The following TECPR1 variants were observed in gnomAD, a reference collection of about 807,000 sequenced individuals.
TECPR1 encodes tectonin beta-propeller repeat-containing protein 1.
Under a neutral mutation model 162.4 loss-of-function variants are expected in TECPR1, and 122 were observed. The observed-to-expected ratio is 0.75, with a 90% confidence interval of 0.65 to 0.87. The LOEUF (loss-of-function observed/expected upper bound fraction) is 0.87, where lower values mean the gene tolerates loss of function less well. TECPR1 is among the 40% of genes least tolerant of loss of function. The pLI is 0.00. For synonymous variants in TECPR1, 642 were observed against 670.6 expected, an observed-to-expected ratio of 0.96 and a Z score of 0.66; for missense variants, 1,432 against 1,618.2, an observed-to-expected ratio of 0.88 and a Z score of 1.97.
chr7:98,240,391 A>G (rs1323671983), intron 8 of TECPR1, among the ~76,000 whole-genome samples: 2 of 152,096 alleles, frequency 1.3e-5, no homozygotes, highest in Admixed American at 6.6e-5. Flanking sequence ...CAAACAATGC[A>G]TGGTGCTCAG....
chr7:98,227,435 T>C (rs1179876922), intron 17 of TECPR1, among the ~76,000 whole-genome samples: 1 of 151,102 alleles, frequency 6.6e-6, no homozygotes, highest in East Asian at 1.9e-4. Context: ...CAAACCTCTC[T>C]TTCTTCTATC....
At chr7:98,231,145 C>A (rs776867047) in intron 14 of TECPR1, 27 bp from the exon 15 acceptor site, 1 of 1,604,070 alleles carries the variant, frequency 6.2e-7, no homozygotes, top group Non-Finnish European at 8.5e-7. Context: ...CCGGTCACTG[C>A]TGAGCAGGCC....
chr7:98,233,715 C>T lies in TECPR1; in HGVS notation c.1378G>A (p.Asp460Asn). ...AGRTAEDTVE[D>N]ACPAEGSREA... ...CTGCTGCCCTCGGCTGGGCAGGCAT[C>T]TTCCACGGTATCTTCTGCGGTCCTG... Residue 460 changes from aspartate (D) to asparagine (N), a missense_variant, in exon 11 of 26, where the codon GAT (aspartate) becomes AAT (asparagine). Asp to Asn is a conservative substitution (Grantham distance 23). Coordinates refer to ENST00000447648, the MANE Select transcript of TECPR1 (RefSeq NM_015395.3). The T allele has an allele frequency of 1.2e-6, 2 of 1,612,044 alleles. No homozygotes were observed. Among genetic ancestry groups the T allele is most frequent in the Non-Finnish European group, 1.7e-6 (2 of 1,179,402 alleles).
chr7:98,218,164 G>T, intron 23 of TECPR1, 122 bp from the exon 24 acceptor site: 1 of 747,010 alleles, frequency 1.3e-6, no homozygotes. Context: ...AGCTGCTGGG[G>T]AGGCAGGAGG....
intron 6 of TECPR1, among the ~76,000 whole-genome samples, chr7:98,242,798 C>CCCATCCATCCATCCATCCATCCAT (rs1236788372): frequency 7.0e-5 from 1 of 14,352 alleles, no homozygotes; most frequent in Non-Finnish European, 2.3e-4. Context: ...CATCCATCCA[C>CCCATCCATCCATCCATCCATCCAT]CCATCCATCC....
At position 98,233,571 on chromosome 7, in the gene TECPR1, C is replaced by G; in HGVS notation, c.1522G>C (p.Glu508Gln). 1 of 1,596,918 alleles carries G rather than the reference C, an allele frequency of 6.3e-7. No homozygotes were observed. Among genetic ancestry groups the G allele is most frequent in the Middle Eastern group, 1.7e-4 (1 of 5,940 alleles). The part of the protein sequence containing the change: ...VPSHSAAGFP[E>Q]TTSLSSLGLL... Reference sequence around the variant, plus strand: ...CCCAGAGAGGAGAGGCTGGTGGTCTCGGGGAAGCCAGCGGCCGAGTGGCTG... The same window carrying G: ...CCCAGAGAGGAGAGGCTGGTGGTCTGGGGGAAGCCAGCGGCCGAGTGGCTG... Residue 508 changes from glutamate to glutamine, a missense_variant, in exon 11 of 26, where the codon GAG (glutamate) becomes CAG (glutamine). Physicochemically the swap from Glu to Gln is conservative, Grantham distance 29. Coordinates refer to ENST00000447648, the MANE Select transcript of TECPR1 (RefSeq NM_015395.3).
At chr7:98,222,903 G>C in intron 21 of TECPR1, 87 bp downstream of exon 21, 1 of 1,533,884 alleles carries the variant, frequency 6.5e-7, no homozygotes, top group Non-Finnish European at 8.9e-7. Flanking sequence ...TGGTCCTAGG[G>C]GCTTGTCCTG....
rs967926601 is a variant in TECPR1 at position 98,217,037 on chromosome 7, C to T, written c.*353G>A. On this transcript the variant is annotated 3_prime_UTR_variant, in exon 26 of 26. Coordinates refer to ENST00000447648, the MANE Select transcript of TECPR1 (RefSeq NM_015395.3). Reference sequence around the variant, plus strand: ...GAGGGCTCCATCCTGGCTCTGCTGCCCCAGGGCCGGCGTTCCCGGAGGGCT... The same window carrying T: ...GAGGGCTCCATCCTGGCTCTGCTGCTCCAGGGCCGGCGTTCCCGGAGGGCT... 2.2e-5 allele frequency: 5 copies of T among 227,874 alleles called. No individual in the cohort carries two copies. The highest frequency in any genetic ancestry group is 9.8e-5 in the East Asian group (1 of 10,184). 14.1% of individuals were successfully genotyped at this position (227,874 alleles called of 1,614,324 possible).
chr7:98,244,790 C>T, intron 4 of TECPR1, 95 bp downstream of exon 4: 1 of 1,582,100 alleles, frequency 6.3e-7, no homozygotes, highest in East Asian at 2.2e-5. Context: ...AACACCCGAG[C>T]TCAGGCACCA....
chr7:98,234,818 C>T (rs1459260358), intron 10 of TECPR1, among the ~76,000 whole-genome samples: 2 of 149,484 alleles, frequency 1.3e-5, no homozygotes, highest in African/African-American at 4.9e-5. Flanking sequence ...TCATGTGATC[C>T]TCCCACCTCT....
In TECPR1 at chr7:98,231,935, G is replaced by C; in HGVS notation, c.1843C>G (p.Leu615Val). Residue 615 changes from leucine to valine, a missense_variant, in exon 13 of 26, where the codon CTG (leucine) becomes GTG (valine). Leu to Val is a conservative substitution (Grantham distance 32, BLOSUM62 1). Transcript: ENST00000447648. ...EQSVWVKTGA[L>V]QWWCDWKPHK... Reference sequence around the variant, plus strand: ...GGCTTCCAGTCGCACCACCACTGCAGCGCCCCGGTCTTCACCCACACCGAC... The same window carrying C: ...GGCTTCCAGTCGCACCACCACTGCACCGCCCCGGTCTTCACCCACACCGAC... 1 of 1,607,124 alleles carries C rather than the reference G, an allele frequency of 6.2e-7. No homozygotes were observed. The highest frequency in any genetic ancestry group is 8.5e-7 in the Non-Finnish European group (1 of 1,179,650).
chr7:98,221,099 T>G (rs970292048), intron 23 of TECPR1, among the ~76,000 whole-genome samples: 1 of 148,368 alleles, frequency 6.7e-6, no homozygotes, highest in Admixed American at 6.7e-5. Context: ...GTCAGGAGTT[T>G]GAGACCAGCC....
chr7:98,250,153 T>C (rs972042377), intron 2 of TECPR1, among the ~76,000 whole-genome samples: 8 of 152,110 alleles, frequency 5.3e-5, no homozygotes, highest in Non-Finnish European at 2.9e-5. Flanking sequence ...TGGACAGATA[T>C]GTGATAAAGC....
At chr7:98,217,643 G>A (rs1169715275) in intron 25 of TECPR1, 49 bp downstream of exon 25, 10 of 1,519,576 alleles carry the variant, frequency 6.6e-6, no homozygotes, top group Non-Finnish European at 8.8e-6. Context: ...TCAGCACCCA[G>A]TGCAGGCACA....
At chr7:98,225,579 A>G (rs570189231) in intron 17 of TECPR1, among the ~76,000 whole-genome samples, 41 of 151,314 alleles carry the variant, frequency 2.7e-4, no homozygotes, top group Middle Eastern at 3.5e-3. Flanking sequence ...AAATTTGGAC[A>G]CAGACACATG....
intron 2 of TECPR1, among the ~76,000 whole-genome samples, chr7:98,246,548 A>G (rs1798916426): frequency 6.6e-6 from 1 of 151,524 alleles, no homozygotes. Context: ...TACAGGCGTG[A>G]GCCACCGCGC....
In TECPR1 at chr7:98,244,588, G is replaced by A. The variant is rs546195382; in HGVS notation, c.514C>T (p.Arg172Trp). The stretch of plus-strand genomic sequence containing the variant: ...ACAGAGACCTTGGCCCAGATGTCCC[G>A]GGACTTGTATCTCCTGTACCGGATC... Reference protein sequence around the residue: ...KWIRYRRYKSRDIWAKIPSKD... With the variant: ...KWIRYRRYKSWDIWAKIPSKD... Residue 172 changes from arginine to tryptophan, a missense_variant, in exon 5 of 26, where the codon CGG (arginine) becomes TGG (tryptophan). By Grantham distance (101) the Arg-to-Trp change is moderately radical (BLOSUM62 -3). Coordinates refer to ENST00000447648, the MANE Select transcript of TECPR1 (RefSeq NM_015395.3). The A allele has an allele frequency of 9.9e-6, 16 of 1,610,176 alleles. No individual in the cohort carries two copies. In the Admixed American group the frequency reaches 1.2e-4, roughly 12 times the overall value.
rs1287125671 is a variant in TECPR1, at chr7:98,251,433, G to C, written c.-59C>G. On this transcript the variant is annotated 5_prime_UTR_variant, in exon 2 of 26. Coordinates refer to ENST00000447648, the MANE Select transcript of TECPR1 (RefSeq NM_015395.3). ...AGGAGTCCTACCTAAAAGGTTTCTT[G>C]CTTGTTTTTCTATTACACTGTCACT... 6.6e-6 allele frequency: 1 copy of C among 152,208 alleles called. No individual in the cohort carries two copies. The highest frequency in any genetic ancestry group is 1.5e-5 in the Non-Finnish European group (1 of 68,070). 9.4% of individuals were successfully genotyped at this position (152,208 alleles called of 1,614,324 possible).
In TECPR1 at chr7:98,240,838, A is replaced by T; in HGVS notation, c.933+13T>A. On this transcript the variant is annotated intron_variant, in intron 8 of 25. Coordinates refer to ENST00000447648, the MANE Select transcript of TECPR1 (RefSeq NM_015395.3). ...TGGGCTCAAGTGATCCCCCAGCCTC[A>T]TCCCCATCTTACCTTCCAGTCCTTG... The T allele has an allele frequency of 1.3e-6, 2 of 1,587,832 alleles. No homozygotes were observed. The highest frequency in any genetic ancestry group is 1.7e-6 in the Non-Finnish European group (2 of 1,170,382).
Sources: allele counts gnomAD v4.1 joint callset (sites outside exome capture counted in the v4.1 genomes callset), GRCh38; gene constraint gnomAD v4.1.1; transcripts MANE v1.5; gene names NCBI Gene and HGNC (gene_info 2026-07-23, HGNC 2026-07-21).